Variants in EDARADD observed in about 807,000 individuals in gnomAD.
EDARADD encodes EDAR associated via death domain.
Under a neutral mutation model 25.6 loss-of-function variants are expected in EDARADD, and 20 were observed. The observed-to-expected ratio is 0.78, with a 90% CI of 0.55 to 1.14. The LOEUF (loss-of-function observed/expected upper bound fraction) is 1.14, where lower values mean the gene tolerates loss of function less well. Among genes scored for constraint, EDARADD ranks in the 50% most tolerant of loss-of-function variants. The pLI, the probability that EDARADD is intolerant of heterozygous loss-of-function variation, is 0.00. For missense variants in EDARADD, 225 were observed against 270.1 expected, an observed-to-expected ratio of 0.83 and a Z score of 1.17; for synonymous variants, 86 against 94.4, an observed-to-expected ratio of 0.91 and a Z score of 0.52.
intron 4 of EDARADD, among the ~76,000 whole-genome samples, chr1:236,454,489 T>G (rs1658802726): frequency 6.6e-6 from 1 of 152,232 alleles, no homozygotes; most frequent in Non-Finnish European, 1.5e-5. Context: ...GGGCCCCATC[T>G]ATTGTGCTTT....
chr1:236,405,874 C>CTTTCTTTCTTTCTTTCT (rs1370860313), intron 1 of EDARADD, among the ~76,000 whole-genome samples: 9 of 30,916 alleles, frequency 2.9e-4, no homozygotes, highest in Admixed American at 4.7e-4. Flanking sequence ...TCCTTCCTTC[C>CTTTCTTTCTTTCTTTCT]TTCTTTCTTT....
chr1:236,396,703 T>C (rs1667521327), intron 1 of EDARADD, among the ~76,000 whole-genome samples: 1 of 152,102 alleles, frequency 6.6e-6, no homozygotes, highest in African/African-American at 2.4e-5. Flanking sequence ...TACCTTTTTT[T>C]TTTTTAAGTG....
At chr1:236,445,798 A>G (rs1658521396) in intron 4 of EDARADD, among the ~76,000 whole-genome samples, 1 of 152,204 alleles carries the variant, frequency 6.6e-6, no homozygotes, top group Non-Finnish European at 1.5e-5. Flanking sequence ...GAAATGCAGA[A>G]TAGTTAGACC....
chr1:236,405,879 T>TCCTTC (rs1254470579), intron 1 of EDARADD, among the ~76,000 whole-genome samples: 3 of 33,532 alleles, frequency 8.9e-5, no homozygotes, highest in African/African-American at 2.9e-4. Context: ...CCTTCCTTCT[T>TCCTTC]TCTTTCTTTC....
intron 3 of EDARADD, among the ~76,000 whole-genome samples, chr1:236,420,350 TTATAA>T (rs1247093244): frequency 2.0e-5 from 3 of 152,228 alleles, no homozygotes; most frequent in Non-Finnish European, 4.4e-5. Flanking sequence ...AAAATTTCTG[TTATAA>T]TATATTTCTG....
chr1:236,411,350 T>G (rs941067862), intron 2 of EDARADD, among the ~76,000 whole-genome samples: 1 of 152,116 alleles, frequency 6.6e-6, no homozygotes, highest in Admixed American at 6.6e-5. Context: ...CTGAGACCCA[T>G]AGGGAAGAAT....
At chr1:236,415,219 G>A (rs1429994497) in intron 3 of EDARADD, among the ~76,000 whole-genome samples, 1 of 152,166 alleles carries the variant, frequency 6.6e-6, no homozygotes, top group African/African-American at 2.4e-5. Flanking sequence ...TGAGCCTTGA[G>A]ATCGGGTCGG....
At chr1:236,378,779 T>G (rs1186219916) in intron 3 of EDARADD, among the ~76,000 whole-genome samples, 4 of 152,214 alleles carry the variant, frequency 2.6e-5, no homozygotes, top group Non-Finnish European at 5.9e-5. Context: ...CACTTTTTCC[T>G]TATTTATCTC....
At chr1:236,425,551 T>G (rs972538766) in intron 3 of EDARADD, among the ~76,000 whole-genome samples, 1 of 152,200 alleles carries the variant, frequency 6.6e-6, no homozygotes, top group African/African-American at 2.4e-5. Flanking sequence ...CTGCCCCAAG[T>G]GGCCAGTGAT....
chr1:236,390,531 G>C (rs960549138), upstream of EDARADD, among the ~76,000 whole-genome samples: 8 of 152,068 alleles, frequency 5.3e-5, no homozygotes, highest in African/African-American at 1.2e-4. Context: ...CCAGCCTGGG[G>C]GACAGAGCGA....
chr1:236,433,454 GCACCCACCACCA>G (rs1658160963), intron 4 of EDARADD, among the ~76,000 whole-genome samples: 1 of 151,444 alleles, frequency 6.6e-6, no homozygotes, highest in East Asian at 2.0e-4. Context: ...GGGATCACAG[GCACCCACCACCA>G]CACCCAGATA....
intron 3 of EDARADD, among the ~76,000 whole-genome samples, chr1:236,360,108 A>C (rs1212047960): frequency 2.0e-5 from 3 of 152,152 alleles, no homozygotes; most frequent in Non-Finnish European, 4.4e-5. Flanking sequence ...TGAGGCCAGG[A>C]GTTCAAGACA....
intron 4 of EDARADD, among the ~76,000 whole-genome samples, chr1:236,427,848 A>T (rs669454): frequency 0.48 from 72,719 of 151,888 alleles, 18,754 homozygotes; most frequent in Non-Finnish European, 0.59. Context: ...AGATATCAGA[A>T]GTCAAACTTT....
At position 236,395,549 on chromosome 1, in the gene EDARADD, T is replaced by C; in HGVS notation, c.61+1044T>C. On this transcript the variant is annotated intron_variant, in intron 1 of 5. Coordinates refer to ENST00000334232, the MANE Select transcript of EDARADD (RefSeq NM_145861.4). The surrounding 1 kb of genome is among the most constrained non-coding windows in gnomAD (Gnocchi z 6.9). The stretch of plus-strand genomic sequence containing the variant: ...CGCGTCGGAACCGCAGGACTTTTCA[T>C]CCCCGTGGTCCCACGGTCCTCCCGC... 6.5e-7 allele frequency: 1 copy of C among 1,539,760 alleles called. No individual in the cohort carries two copies. Among genetic ancestry groups the C allele is most frequent in the Non-Finnish European group, 8.7e-7 (1 of 1,146,290 alleles).
chr1:236,366,741 C>CTCTCTTTTTTTTTTTTT (rs146073425), intron 3 of EDARADD, among the ~76,000 whole-genome samples: 4 of 144,214 alleles, frequency 2.8e-5, no homozygotes, highest in East Asian at 2.1e-4. Flanking sequence ...TCATCTCTCT[C>CTCTCTTTTTTTTTTTTT]TTTTTTTTGT....
chr1:236,461,613 A>G (rs891559233), intron 4 of EDARADD, among the ~76,000 whole-genome samples: 7 of 152,176 alleles, frequency 4.6e-5, no homozygotes, highest in Admixed American at 3.9e-4. Context: ...ATTGAGCTAA[A>G]CTGGAACCTC....
chr1:236,384,074 A>G (rs763262168), intron 3 of EDARADD, among the ~76,000 whole-genome samples: 12 of 152,234 alleles, frequency 7.9e-5, no homozygotes, highest in Non-Finnish European at 1.6e-4. Flanking sequence ...ATTCTATTAC[A>G]TGAATGTGTT....
chr1:236,381,325 AT>A, intron 3 of EDARADD, among the ~76,000 whole-genome samples: 1 of 151,472 alleles, frequency 6.6e-6, no homozygotes, highest in Non-Finnish European at 1.5e-5. Context: ...ATTTTATTTT[AT>A]TTTTTATTTT....
At chr1:236,365,149 C>CATT (rs57920823) in intron 3 of EDARADD, among the ~76,000 whole-genome samples, 18 of 150,222 alleles carry the variant, frequency 1.2e-4, no homozygotes, top group East Asian at 5.9e-4. Context: ...GTTTTCTTTT[C>CATT]TTTTTTTTTT....
Sources: gnomAD v4.1 joint callset for allele counts (sites outside exome capture counted in the v4.1 genomes callset) on GRCh38, gnomAD v4.1.1 for gene constraint, Gnocchi (gnomAD v3.1) non-coding constraint, MANE v1.5 for transcripts, NCBI Gene and HGNC (gene_info 2026-07-23, HGNC 2026-07-21) for gene names.